WWOX: variants seen among roughly 807,000 people sequenced by gnomAD.
WWOX encodes WW domain-containing oxidoreductase.
In WWOX, 69 loss-of-function variants were observed where a neutral mutation model predicts 46.2. That is an observed-to-expected ratio of 1.49 (90% confidence interval 1.23 to 1.82). The LOEUF (loss-of-function observed/expected upper bound fraction) is 1.82, where lower values mean the gene tolerates loss of function less well. WWOX is among the 40% of genes most tolerant of loss of function. The probability of loss-of-function intolerance (pLI) is 0.00; values close to 1 mark genes in which losing one functional copy is unlikely to be tolerated. For synonymous variants in WWOX, 359 were observed against 202.6 expected (o/e 1.77, Z -6.56); for missense variants, 919 against 542.6 (o/e 1.69, Z -6.89).
intron 4 of WWOX, among the ~76,000 whole-genome samples, chr16:78,133,098 T>G (rs1214904727): frequency 6.6e-6 from 1 of 152,172 alleles, no homozygotes; most frequent in East Asian, 1.9e-4. Flanking sequence ...ACCATCAACC[T>G]TGAGGGAGTG....
chr16:78,674,672 C>G (rs191928329), intron 8 of WWOX, among the ~76,000 whole-genome samples: 108 of 152,232 alleles, frequency 7.1e-4, no homozygotes, highest in African/African-American at 2.3e-3. Context: ...GCCCCATAAC[C>G]TAACCTGTTT....
rs563913535 is a variant in WWOX, at chr16:78,195,225, C to G, written c.516+30936C>G. ...GGGAGGGACAGCTTGAGCACTATGACCTGTGTGAAGCTTTTCCCAGTGCTG... is the reference window on the plus strand; with the variant it reads ...GGGAGGGACAGCTTGAGCACTATGAGCTGTGTGAAGCTTTTCCCAGTGCTG... On this transcript the variant is annotated intron_variant, in intron 5 of 8. Coordinates refer to ENST00000566780, the MANE Select transcript of WWOX (RefSeq NM_016373.4). 2.2e-4 allele frequency among the ~76,000 whole-genome samples: 34 copies of G among 152,270 alleles called. 1 individual carries two copies. Among genetic ancestry groups the G allele is most frequent in the African/African-American group, 7.7e-4 (32 of 41,548 alleles).
At chr16:78,738,874 A>G (rs1158277497) in intron 8 of WWOX, among the ~76,000 whole-genome samples, 1 of 152,138 alleles carries the variant, frequency 6.6e-6, no homozygotes, top group African/African-American at 2.4e-5. Flanking sequence ...GCCACATTCC[A>G]TTCTTCATAT....
chr16:78,949,524 C>T (rs1192782582), intron 8 of WWOX, among the ~76,000 whole-genome samples: 1 of 152,198 alleles, frequency 6.6e-6, no homozygotes, highest in African/African-American at 2.4e-5. Flanking sequence ...TGTTCAGAGT[C>T]ATACTCAGCC....
chr16:78,238,745 G>A (rs968719604), intron 5 of WWOX, among the ~76,000 whole-genome samples: 5 of 151,570 alleles, frequency 3.3e-5, no homozygotes, highest in South Asian at 4.2e-4. Flanking sequence ...GCAGCCTCCC[G>A]AGTAGCTGGG....
intron 8 of WWOX, among the ~76,000 whole-genome samples, chr16:78,925,621 C>A (rs1402004675): frequency 2.0e-5 from 3 of 152,178 alleles, no homozygotes; most frequent in African/African-American, 7.2e-5. Context: ...TATATTTCTG[C>A]TTCGTCAAAC....
chr16:78,328,972 C>T (rs984726536), intron 5 of WWOX, among the ~76,000 whole-genome samples: 1 of 152,096 alleles, frequency 6.6e-6, no homozygotes, highest in South Asian at 2.1e-4. Flanking sequence ...AGCGATTCTC[C>T]TGCCTCAGCC....
At position 79,028,542 on chromosome 16, in the gene WWOX, T is replaced by C. The variant is rs554531325; in HGVS notation, c.1057-183066T>C. ...TCTTCCTCTCCCTCCCTCCCATCCT[T>C]TCTTGCTTTCTTCCCTCCTCTCTCC... On this transcript the variant is annotated intron_variant, in intron 8 of 8. Transcript: ENST00000566780. 3.2e-4 allele frequency among the ~76,000 whole-genome samples: 48 copies of C among 151,724 alleles called. 1 individual carries two copies. Among genetic ancestry groups the C allele is most frequent in the African/African-American group, 1.1e-3 (47 of 41,120 alleles).
At chr16:78,421,039 T>A (rs79303991) in intron 6 of WWOX, among the ~76,000 whole-genome samples, 1,536 of 152,298 alleles carry the variant, frequency 0.01, 18 homozygotes, top group African/African-American at 0.033. Context: ...TGCTTCTAGT[T>A]CATATGTAAT....
intron 6 of WWOX, among the ~76,000 whole-genome samples, chr16:78,392,267 C>T (rs558719945): frequency 2.3e-4 from 35 of 152,128 alleles, no homozygotes; most frequent in Admixed American, 1.8e-3. Context: ...GACCGTGATC[C>T]CTATTGTGAG....
chr16:78,663,347 A>C (rs1218773015), intron 8 of WWOX, among the ~76,000 whole-genome samples: 1 of 152,198 alleles, frequency 6.6e-6, no homozygotes, highest in Non-Finnish European at 1.5e-5. Context: ...GAACCAATCT[A>C]ACTAATACTT....
chr16:78,579,083 A>T (rs563912923), intron 8 of WWOX, among the ~76,000 whole-genome samples: 1 of 151,870 alleles, frequency 6.6e-6, no homozygotes, highest in Non-Finnish European at 1.5e-5. Flanking sequence ...CAGCCACTTC[A>T]TCATGTTTGG....
At chr16:78,970,818 T>C (rs1211390061) in intron 8 of WWOX, among the ~76,000 whole-genome samples, 1 of 152,146 alleles carries the variant, frequency 6.6e-6, no homozygotes, top group African/African-American at 2.4e-5. Context: ...AGTATGTTGG[T>C]TCATGTACCA....
chr16:79,015,649 A>T (rs1204233144), intron 8 of WWOX, among the ~76,000 whole-genome samples: 3 of 152,170 alleles, frequency 2.0e-5, no homozygotes, highest in Non-Finnish European at 4.4e-5. Flanking sequence ...GGGATTAGTC[A>T]TGTCCCTAGT....
At chr16:78,491,505 C>G (rs768041502) in intron 8 of WWOX, among the ~76,000 whole-genome samples, 2 of 152,130 alleles carry the variant, frequency 1.3e-5, no homozygotes, top group African/African-American at 4.8e-5. Flanking sequence ...TGCTGTCACC[C>G]AGGCTGGAGT....
At chr16:78,153,973 A>G (rs1211837154) in intron 4 of WWOX, among the ~76,000 whole-genome samples, 1 of 151,984 alleles carries the variant, frequency 6.6e-6, no homozygotes, top group African/African-American at 2.4e-5. Context: ...TTTGTGCCTG[A>G]GGATTCTGTG....
At chr16:79,092,590 T>C (rs996843010) in intron 8 of WWOX, among the ~76,000 whole-genome samples, 1 of 152,336 alleles carries the variant, frequency 6.6e-6, no homozygotes, top group African/African-American at 2.4e-5. Flanking sequence ...TTTTGTGTAA[T>C]TGGTCTTTAG....
intron 8 of WWOX, among the ~76,000 whole-genome samples, chr16:78,609,841 C>T (rs117530085): frequency 6.6e-6 from 1 of 152,272 alleles, no homozygotes; most frequent in East Asian, 1.9e-4. Context: ...TAAAAATGTG[C>T]GTGTTTTTAG....
chr16:78,778,474 C>G (rs985279277), intron 8 of WWOX, among the ~76,000 whole-genome samples: 19 of 152,162 alleles, frequency 1.2e-4, no homozygotes, highest in African/African-American at 4.6e-4. Flanking sequence ...GTCACATGTT[C>G]AGGCTGTAAT....
Sources: gnomAD v4.1 joint callset for allele counts (sites outside exome capture counted in the v4.1 genomes callset) on GRCh38, gnomAD v4.1.1 for gene constraint, MANE v1.5 for transcripts, NCBI Gene and HGNC (gene_info 2026-07-23, HGNC 2026-07-21) for gene names.